The following REEP1 variants were observed in gnomAD, a reference collection of about 807,000 sequenced individuals.
REEP1 encodes the protein receptor accessory protein 1, also known as receptor expression-enhancing protein 1.
In REEP1, 22 loss-of-function variants were observed where a neutral mutation model predicts 40.3. That is an observed-to-expected ratio of 0.55 (90% CI 0.39 to 0.78). REEP1 has a LOEUF of 0.78. Among genes scored for constraint, REEP1 ranks in the 30% least tolerant of loss-of-function variants. The pLI, the probability that REEP1 is intolerant of heterozygous loss-of-function variation, is 0.00. For synonymous variants in REEP1, 116 were observed against 139.2 expected, an observed-to-expected ratio of 0.83 and a Z score of 1.17; for missense variants, 280 against 361.1, an observed-to-expected ratio of 0.78 and a Z score of 1.82.
intron 1 of REEP1, among the ~76,000 whole-genome samples, chr2:86,326,301 G>A (rs1179923646): frequency 6.6e-6 from 1 of 152,230 alleles, no homozygotes; most frequent in Non-Finnish European, 1.5e-5. Flanking sequence ...AATTGACCAA[G>A]CTATGAATCA....
intron 2 of REEP1, among the ~76,000 whole-genome samples, chr2:86,281,831 G>C (rs148176862): frequency 6.6e-6 from 1 of 152,104 alleles, no homozygotes; most frequent in African/African-American, 2.4e-5. Flanking sequence ...TCTCCATCAC[G>C]GTGCTTTAAG....
At chr2:86,271,994 G>A (rs370580410) in intron 2 of REEP1, among the ~76,000 whole-genome samples, 32 of 152,280 alleles carry the variant, frequency 2.1e-4, no homozygotes, top group East Asian at 1.5e-3. Flanking sequence ...AGGCTGGGGC[G>A]GGCAGATCAC....
intron 1 of REEP1, among the ~76,000 whole-genome samples, chr2:86,299,228 A>G (rs748868677): frequency 6.6e-6 from 1 of 151,964 alleles, no homozygotes; most frequent in Non-Finnish European, 1.5e-5. Flanking sequence ...TCTGCCCCCA[A>G]CTCTGTCTGC....
At chr2:86,270,673 A>C (rs1266618807) in intron 2 of REEP1, among the ~76,000 whole-genome samples, 2 of 152,252 alleles carry the variant, frequency 1.3e-5, no homozygotes, top group African/African-American at 4.8e-5. Context: ...AATTAACAGC[A>C]TATTGGATAC....
intron 2 of REEP1, among the ~76,000 whole-genome samples, chr2:86,277,703 G>A (rs914002406): frequency 1.3e-5 from 2 of 152,210 alleles, no homozygotes; most frequent in African/African-American, 4.8e-5. Context: ...AAAGCAACGG[G>A]AGCATGAATT....
intron 3 of REEP1, among the ~76,000 whole-genome samples, chr2:86,256,705 C>T (rs965593266): frequency 6.6e-6 from 1 of 152,138 alleles, no homozygotes; most frequent in Non-Finnish European, 1.5e-5. Context: ...GCCTCTGTTT[C>T]TAGGAATCTG....
At chr2:86,236,972 A>G (rs577359142) in intron 5 of REEP1, among the ~76,000 whole-genome samples, 46 of 152,222 alleles carry the variant, frequency 3.0e-4, no homozygotes, top group East Asian at 1.2e-3. Flanking sequence ...CTGACCTCGT[A>G]ATCCGCCCGC....
chr2:86,281,493 T>C (rs1337710193), intron 2 of REEP1, among the ~76,000 whole-genome samples: 1 of 152,102 alleles, frequency 6.6e-6, no homozygotes, highest in East Asian at 1.9e-4. Flanking sequence ...CTGGGCGTGG[T>C]GGCACACACC....
intron 1 of REEP1, among the ~76,000 whole-genome samples, chr2:86,332,464 C>T (rs1047753463): frequency 6.7e-6 from 1 of 149,740 alleles, no homozygotes. Context: ...CACACACACA[C>T]ACACACACAC....
intron 5 of REEP1, among the ~76,000 whole-genome samples, chr2:86,235,855 T>A (rs1034348881): frequency 2.0e-5 from 3 of 152,170 alleles, no homozygotes; most frequent in African/African-American, 7.2e-5. Context: ...GAAATTATAG[T>A]GGCATAGATA....
chr2:86,267,245 G>A (rs766849463), intron 2 of REEP1, among the ~76,000 whole-genome samples: 4 of 152,042 alleles, frequency 2.6e-5, no homozygotes, highest in South Asian at 2.1e-4. Context: ...TCATGGGGGC[G>A]GTTTCCCCCA....
At chr2:86,229,455 A>C (rs1674891738) in intron 6 of REEP1, among the ~76,000 whole-genome samples, 1 of 152,048 alleles carries the variant, frequency 6.6e-6, no homozygotes, top group Admixed American at 6.6e-5. Flanking sequence ...GGGAGAGTAC[A>C]CCAGCCCGGT....
At position 86,215,089 on chromosome 2, in the gene REEP1, A is replaced by AAAT. The variant is rs1674035444; in HGVS notation, c.*1947_*1949dup. On this transcript the variant is annotated 3_prime_UTR_variant, in exon 9 of 9. Transcript: ENST00000538924. Reference sequence around the variant, plus strand: ...TTCTGGGTACTTCCAACTAACAGGTAAATACATTTTAAAGAGTATATTCTT... The same window carrying AAAT: ...TTCTGGGTACTTCCAACTAACAGGTAAATAATACATTTTAAAGAGTATATTCTT... 1 of 146,684 alleles carries AAAT rather than the reference A, an allele frequency of 6.8e-6. No individual in the cohort carries two copies. Among genetic ancestry groups the AAAT allele is most frequent in the Admixed American group, 6.9e-5 (1 of 14,580 alleles). 9.1% of individuals were successfully genotyped at this position (146,684 alleles called of 1,614,324 possible).
chr2:86,285,290 C>T (rs763880011), intron 1 of REEP1, among the ~76,000 whole-genome samples: 1 of 152,208 alleles, frequency 6.6e-6, no homozygotes, highest in Non-Finnish European at 1.5e-5. Flanking sequence ...GCCACTAATC[C>T]TTTAAGACCC....
At chr2:86,298,165 T>C (rs1328791362) in intron 1 of REEP1, among the ~76,000 whole-genome samples, 1 of 151,978 alleles carries the variant, frequency 6.6e-6, no homozygotes, top group Non-Finnish European at 1.5e-5. Flanking sequence ...GGTTGATGGA[T>C]TGGTTGGTTT....
chr2:86,244,534 G>A (rs1337349040), intron 5 of REEP1, among the ~76,000 whole-genome samples: 2 of 152,194 alleles, frequency 1.3e-5, no homozygotes, highest in African/African-American at 4.8e-5. Flanking sequence ...GAGCAAGTCA[G>A]GAAAGCAGAG....
At chr2:86,252,363 C>T (rs997540818) in intron 4 of REEP1, among the ~76,000 whole-genome samples, 4 of 152,134 alleles carry the variant, frequency 2.6e-5, no homozygotes, top group African/African-American at 7.2e-5. Flanking sequence ...ATATGGACAG[C>T]CTTGCCTGCC....
At chr2:86,275,567 C>T (rs183721421) in intron 2 of REEP1, among the ~76,000 whole-genome samples, 9 of 152,306 alleles carry the variant, frequency 5.9e-5, no homozygotes, top group Admixed American at 3.3e-4. Context: ...CTAGAGGCAG[C>T]GCCCACACCT....
intron 1 of REEP1, among the ~76,000 whole-genome samples, chr2:86,295,007 T>C (rs887496999): frequency 6.6e-6 from 1 of 151,874 alleles, no homozygotes; most frequent in African/African-American, 2.4e-5. Flanking sequence ...AGGTCCAGCA[T>C]GGCACCCTGA....
Sources: allele counts gnomAD v4.1 joint callset (sites outside exome capture counted in the v4.1 genomes callset), GRCh38; gene constraint gnomAD v4.1.1; transcripts MANE v1.5; gene names NCBI Gene and HGNC (gene_info 2026-07-23, HGNC 2026-07-21).